Variants in TRIM9 observed in about 807,000 individuals in gnomAD.
TRIM9 encodes tripartite motif containing 9, also known as E3 ubiquitin-protein ligase TRIM9.
Under a neutral mutation model 78.3 loss-of-function variants are expected in TRIM9, and 26 were observed. That is an observed-to-expected ratio of 0.33 (90% CI 0.24 to 0.46). The LOEUF (loss-of-function observed/expected upper bound fraction) is 0.46, where lower values mean the gene tolerates loss of function less well. Ranked by LOEUF, TRIM9 falls within the 20% of genes least tolerant of loss-of-function variation. TRIM9 has a pLI of 1.00. For missense variants in TRIM9, 787 were observed against 1,036.4 expected, an observed-to-expected ratio of 0.76 and a Z score of 3.30; for synonymous variants, 398 against 416.5, an observed-to-expected ratio of 0.96 and a Z score of 0.54.
chr14:51,093,341 T>C (rs2064571578), intron 1 of TRIM9, among the ~76,000 whole-genome samples: 1 of 152,166 alleles, frequency 6.6e-6, no homozygotes, highest in African/African-American at 2.4e-5. Context: ...GAAGTGGGTG[T>C]GTGTATAGTT....
At chr14:51,007,109 T>G (rs2055908490) in intron 5 of TRIM9, among the ~76,000 whole-genome samples, 1 of 152,194 alleles carries the variant, frequency 6.6e-6, no homozygotes, top group East Asian at 1.9e-4. Context: ...CTGAGGCTTT[T>G]ACCCTCTAAC....
intron 2 of TRIM9, 72 bp downstream of exon 2, chr14:51,025,193 G>T: frequency 7.5e-7 from 1 of 1,332,534 alleles, no homozygotes; most frequent in South Asian, 1.2e-5. Context: ...TAAAAGAGGA[G>T]AAGGAAACTC....
rs564924671 is a variant in TRIM9, at chr14:51,027,200, A to G, written c.823-1840T>C. Among the ~76,000 whole-genome samples, 3 of 130,656 alleles carry G rather than the reference A, an allele frequency of 2.3e-5. No homozygotes were observed. The South Asian group carries it at 7.7e-4, about 33-fold the overall frequency. 85.7% of individuals were successfully genotyped at this position (130,656 alleles called of 152,430 possible). On this transcript the variant is annotated intron_variant, in intron 1 of 12. Coordinates refer to ENST00000684578, the MANE Select transcript of TRIM9 (RefSeq NM_001387360.1). The stretch of plus-strand genomic sequence containing the variant: ...ACTCTCTCACCCAGGCTGAAGTGCA[A>G]TGGTGTGATCTTGGCTCACTGCAAT...
intron 1 of TRIM9, among the ~76,000 whole-genome samples, chr14:51,085,161 G>T (rs1341923375): frequency 6.6e-6 from 1 of 152,138 alleles, no homozygotes; most frequent in Non-Finnish European, 1.5e-5. Flanking sequence ...TAAAGTGCAG[G>T]CTGCAAGCAA....
chr14:51,022,065 C>T (rs2057807122), intron 3 of TRIM9, among the ~76,000 whole-genome samples: 1 of 152,182 alleles, frequency 6.6e-6, no homozygotes, highest in Admixed American at 6.5e-5. Context: ...TCCTCTTTTC[C>T]TACTTTTAGA....
intron 1 of TRIM9, among the ~76,000 whole-genome samples, chr14:51,093,318 CT>C (rs2064566919): frequency 6.6e-6 from 1 of 152,210 alleles, no homozygotes; most frequent in South Asian, 2.1e-4. Flanking sequence ...GAGGAAAGGG[CT>C]TGAATTCCGG....
intron 3 of TRIM9, among the ~76,000 whole-genome samples, chr14:51,020,212 T>A (rs1283744617): frequency 6.6e-6 from 1 of 152,092 alleles, no homozygotes; most frequent in Admixed American, 6.6e-5. Context: ...AAGGCCAGTC[T>A]TTTCTCACAA....
At chr14:51,020,616 C>CA (rs1370959000) in intron 3 of TRIM9, among the ~76,000 whole-genome samples, 1 of 152,252 alleles carries the variant, frequency 6.6e-6, no homozygotes, top group Non-Finnish European at 1.5e-5. Flanking sequence ...AGGACATAGT[C>CA]ACGCGATGTG....
intron 1 of TRIM9, among the ~76,000 whole-genome samples, chr14:51,061,022 T>G (rs1319633361): frequency 6.6e-6 from 1 of 152,248 alleles, no homozygotes; most frequent in African/African-American, 2.4e-5. Flanking sequence ...ATTCACATTT[T>G]CTTGATAAAC....
intron 1 of TRIM9, among the ~76,000 whole-genome samples, chr14:51,049,751 G>A (rs2060242761): frequency 6.6e-6 from 1 of 151,772 alleles, no homozygotes; most frequent in Admixed American, 6.6e-5. Flanking sequence ...CTTGAACCCA[G>A]GAGGCAGAGG....
chr14:51,064,179 T>A (rs4479142), intron 1 of TRIM9, among the ~76,000 whole-genome samples: 2,042 of 151,988 alleles, frequency 0.013, 29 homozygotes, highest in Middle Eastern at 0.038. Context: ...ACATAGACTG[T>A]GTATATTGAC....
chr14:51,031,021 G>A (rs562062298), intron 1 of TRIM9, among the ~76,000 whole-genome samples: 66 of 151,662 alleles, frequency 4.4e-4, no homozygotes, highest in African/African-American at 1.5e-3. Context: ...GGTGGCGGGC[G>A]CCTGTAACTC....
chr14:50,985,945 G>A lies in TRIM9; in HGVS notation c.1792+11C>T, dbSNP rs1246577374. On this transcript the variant is annotated intron_variant, in intron 8 of 12. Coordinates refer to ENST00000684578, the MANE Select transcript of TRIM9 (RefSeq NM_001387360.1). Reference sequence around the variant, plus strand: ...GAGATCAAGGGGAAAGGTCTGAGGAGCTCAGCTCACCCGGTGCATTGAGAG... The same window carrying A: ...GAGATCAAGGGGAAAGGTCTGAGGAACTCAGCTCACCCGGTGCATTGAGAG... 3 of 1,516,370 alleles carry A rather than the reference G, an allele frequency of 2.0e-6. No homozygotes were observed. The highest frequency in any genetic ancestry group is 2.6e-5 in the South Asian group (2 of 77,332). 93.9% of individuals were successfully genotyped at this position (1,516,370 alleles called of 1,614,324 possible).
intron 8 of TRIM9, among the ~76,000 whole-genome samples, chr14:50,983,820 C>G (rs1390493544): frequency 6.6e-6 from 1 of 152,226 alleles, no homozygotes; most frequent in East Asian, 1.9e-4. Flanking sequence ...GCACTTCTAA[C>G]TCTGGTTATG....
chr14:51,000,235 T>C lies in TRIM9; in HGVS notation c.1464+448A>G, dbSNP rs578163048. ...TAGCAATAAGCAATGATGGTAATAA[T>C]AATAACTAATAATGAACGCTTGCTA... On this transcript the variant is annotated intron_variant, in intron 6 of 12. Transcript: ENST00000684578. 2.6e-5 allele frequency among the ~76,000 whole-genome samples: 4 copies of C among 152,336 alleles called. No individual in the cohort carries two copies. The East Asian group carries it at 5.8e-4, about 22-fold the overall frequency.
intron 1 of TRIM9, among the ~76,000 whole-genome samples, chr14:51,036,154 C>T (rs2059132685): frequency 6.6e-6 from 1 of 152,158 alleles, no homozygotes; most frequent in East Asian, 1.9e-4. Flanking sequence ...CACCTCATTG[C>T]AGTGAAAACC....
chr14:51,067,305 C>A (rs2061833503), intron 1 of TRIM9, among the ~76,000 whole-genome samples: 1 of 152,152 alleles, frequency 6.6e-6, no homozygotes, highest in Non-Finnish European at 1.5e-5. Context: ...GAGTTTCTTA[C>A]CATCTCCACT....
chr14:51,086,602 G>A (rs1399669187), intron 1 of TRIM9, among the ~76,000 whole-genome samples: 1 of 152,178 alleles, frequency 6.6e-6, no homozygotes, highest in Admixed American at 6.5e-5. Context: ...ACAGTCTATG[G>A]AATTGAGTTA....
intron 1 of TRIM9, among the ~76,000 whole-genome samples, chr14:51,084,745 T>C (rs994129649): frequency 1.3e-5 from 2 of 152,232 alleles, no homozygotes; most frequent in Non-Finnish European, 2.9e-5. Flanking sequence ...ATTGCATAAA[T>C]ATCAGCAGTG....
Sources: gnomAD v4.1 joint callset for allele counts (sites outside exome capture counted in the v4.1 genomes callset) on GRCh38, gnomAD v4.1.1 for gene constraint, MANE v1.5 for transcripts, NCBI Gene and HGNC (gene_info 2026-07-23, HGNC 2026-07-21) for gene names.